Variants in SIK3 observed in about 807,000 individuals in gnomAD.
The protein encoded by SIK3 is SIK family kinase 3.
In SIK3, 28 loss-of-function variants were observed where a neutral mutation model predicts 144.2. The observed-to-expected ratio is 0.19, with a 90% CI of 0.14 to 0.27. The LOEUF (loss-of-function observed/expected upper bound fraction) is 0.27. Among genes scored for constraint, SIK3 ranks in the 10% least tolerant of loss-of-function variants. SIK3 has a pLI of 1.00. For missense variants in SIK3, 1,319 were observed against 1,776.0 expected (o/e 0.74, Z 4.62); for synonymous variants, 686 against 676.3 (o/e 1.01, Z -0.22).
intron 1 of SIK3, among the ~76,000 whole-genome samples, chr11:117,047,323 T>C (rs556094445): frequency 7.6e-4 from 116 of 152,186 alleles, no homozygotes; most frequent in Non-Finnish European, 1.4e-3. Flanking sequence ...TATCCCTTTG[T>C]TAGAATCCTG....
At chr11:117,010,271 A>G (rs956385490) in intron 1 of SIK3, among the ~76,000 whole-genome samples, 3 of 152,146 alleles carry the variant, frequency 2.0e-5, no homozygotes, top group Non-Finnish European at 4.4e-5. Flanking sequence ...CCAAATACCT[A>G]TAGCACTTTC....
At chr11:116,887,642 A>C (rs911663259) in intron 6 of SIK3, among the ~76,000 whole-genome samples, 1 of 151,958 alleles carries the variant, frequency 6.6e-6, no homozygotes, top group African/African-American at 2.4e-5. Context: ...AGTCTGATAT[A>C]AGATTCCATA....
intron 1 of SIK3, among the ~76,000 whole-genome samples, chr11:116,970,439 C>T (rs937171222): frequency 6.6e-6 from 1 of 152,130 alleles, no homozygotes; most frequent in Non-Finnish European, 1.5e-5. Context: ...AGTCATACAA[C>T]TCTCAATCTT....
intron 15 of SIK3, among the ~76,000 whole-genome samples, chr11:116,866,667 C>A (rs1253214608): frequency 2.0e-5 from 3 of 152,088 alleles, no homozygotes; most frequent in Non-Finnish European, 1.5e-5. Flanking sequence ...GTCTCGAACT[C>A]CTGACCTTGT....
Position 116,844,448 on chromosome 11 carries a change from A to G in SIK3, c.*1195T>C, listed in dbSNP as rs900603020. 3.3e-5 allele frequency: 5 copies of G among 150,914 alleles called. No homozygotes were observed. Among genetic ancestry groups the G allele is most frequent in the African/African-American group, 1.2e-4 (5 of 41,130 alleles). 9.3% of individuals were successfully genotyped at this position (150,914 alleles called of 1,614,324 possible). ...ATAATATCAACATTTACCAAAAACA[A>G]TTTCTACATGATCAAGAATTAAAAT... On this transcript the variant is annotated 3_prime_UTR_variant, in exon 25 of 25. Transcript: ENST00000445177.
chr11:116,891,689 T>G (rs991565608), intron 6 of SIK3, among the ~76,000 whole-genome samples: 6 of 152,170 alleles, frequency 3.9e-5, no homozygotes, highest in Non-Finnish European at 8.8e-5. Context: ...AGAGAAAATG[T>G]ACGTGTATGT....
At chr11:116,988,077 A>C (rs1219415824) in intron 1 of SIK3, among the ~76,000 whole-genome samples, 1 of 152,190 alleles carries the variant, frequency 6.6e-6, no homozygotes, top group African/African-American at 2.4e-5. Flanking sequence ...AAGAGGGAGC[A>C]AGCAAAGCCT....
intron 22 of SIK3, among the ~76,000 whole-genome samples, chr11:116,848,053 G>A (rs1942129446): frequency 6.6e-6 from 1 of 152,190 alleles, no homozygotes; most frequent in Non-Finnish European, 1.5e-5. Context: ...GGTGGCTCAT[G>A]CCTGTAATCC....
intron 21 of SIK3, among the ~76,000 whole-genome samples, chr11:116,854,831 C>G (rs1218160884): frequency 6.6e-6 from 1 of 152,018 alleles, no homozygotes; most frequent in South Asian, 2.1e-4. Context: ...TGGCTCATGC[C>G]TGTAATCCCA....
intron 1 of SIK3, among the ~76,000 whole-genome samples, chr11:116,998,520 GAA>G (rs1483509835): frequency 6.7e-6 from 1 of 149,514 alleles, no homozygotes; most frequent in African/African-American, 2.5e-5. Flanking sequence ...AAAAATATCT[GAA>G]ATTCCTCCTC....
At chr11:117,076,239 GC>G (rs1954531860) in intron 1 of SIK3, among the ~76,000 whole-genome samples, 1 of 152,062 alleles carries the variant, frequency 6.6e-6, no homozygotes, top group Non-Finnish European at 1.5e-5. Flanking sequence ...TACCTTCAGG[GC>G]CTGTTGAGGA....
intron 1 of SIK3, among the ~76,000 whole-genome samples, chr11:116,965,449 A>C (rs1281676520): frequency 1.3e-5 from 2 of 152,112 alleles, no homozygotes; most frequent in Admixed American, 6.6e-5. Context: ...GATTATTTAC[A>C]AAATATAGAT....
intron 4 of SIK3, among the ~76,000 whole-genome samples, chr11:116,918,295 G>A (rs117707444): frequency 1.8e-4 from 28 of 152,276 alleles, no homozygotes; most frequent in Non-Finnish European, 3.8e-4. Flanking sequence ...AGAAGCGCAT[G>A]CCATCCACCC....
intron 6 of SIK3, among the ~76,000 whole-genome samples, chr11:116,889,327 G>A (rs1180904476): frequency 6.6e-6 from 1 of 152,220 alleles, no homozygotes. Flanking sequence ...ACTCTGGGAG[G>A]CCAAGGTGGG....
rs1944219295 is a variant in SIK3, at chr11:116,875,778, C to T, written c.1239+88G>A. The T allele has an allele frequency of 2.8e-6, 4 of 1,443,092 alleles. No homozygotes were observed. The African/African-American group carries it at 4.3e-5, about 15-fold the overall frequency. The allele number at this position is 1,443,092 out of a possible 1,614,324, so 89.4% of individuals were successfully genotyped here. On this transcript the variant is annotated intron_variant, in intron 9 of 24. Transcript: ENST00000445177. ...GACAGAGGTAAGGAAGAGCAAGAAA[C>T]TCTCGACTTAGGGTTAGTGAGCAAC...
At chr11:116,920,181 A>C (rs1481509459) in intron 4 of SIK3, among the ~76,000 whole-genome samples, 1 of 141,820 alleles carries the variant, frequency 7.1e-6, no homozygotes, top group Non-Finnish European at 1.5e-5. Context: ...TTTCAAATAG[A>C]CCTTGTGCAT....
chr11:116,869,004 G>C (rs1449324849), intron 14 of SIK3: 1 of 152,138 alleles, frequency 6.6e-6, no homozygotes, highest in Non-Finnish European at 1.5e-5. Flanking sequence ...GTCTAAAGAA[G>C]AAAGAAGGTA....
At chr11:117,021,840 C>T (rs190149516) in intron 1 of SIK3, among the ~76,000 whole-genome samples, 7 of 144,972 alleles carry the variant, frequency 4.8e-5, no homozygotes, top group African/African-American at 1.8e-4. Flanking sequence ...TGGCTCACAC[C>T]CAACACTTTG....
chr11:116,847,754 A>T, intron 22 of SIK3, 146 bp from the exon 23 acceptor site: 4 of 856,962 alleles, frequency 4.7e-6, no homozygotes, highest in Non-Finnish European at 5.4e-6. Context: ...GCACCACCCA[A>T]AGGGGGTGCT....
Sources: allele counts gnomAD v4.1 joint callset (sites outside exome capture counted in the v4.1 genomes callset), GRCh38; gene constraint gnomAD v4.1.1; transcripts MANE v1.5; gene names NCBI Gene and HGNC (gene_info 2026-07-23, HGNC 2026-07-21).